ACTN1: variants seen among roughly 807,000 people sequenced by gnomAD.
The protein encoded by ACTN1 is actinin alpha 1.
ACTN1 carries 30 observed loss-of-function variants against 119.6 expected under a neutral mutation model. The ratio of observed to expected loss-of-function variants is 0.25; its 90% CI spans 0.19 to 0.34. The LOEUF (loss-of-function observed/expected upper bound fraction) is 0.34. Among genes scored for constraint, ACTN1 ranks in the 10% least tolerant of loss-of-function variants. ACTN1 has a pLI of 1.00. For missense variants in ACTN1, 764 were observed against 1,223.4 expected (o/e 0.62, Z 5.60); for synonymous variants, 429 against 472.6 (o/e 0.91, Z 1.20).
chr14:68,939,381 C>T (rs751350644), intron 1 of ACTN1, among the ~76,000 whole-genome samples: 4 of 152,170 alleles, frequency 2.6e-5, no homozygotes, highest in South Asian at 2.1e-4. Context: ...CTGGGCCTCC[C>T]GGAGCCTTGG....
intron 1 of ACTN1, among the ~76,000 whole-genome samples, chr14:68,942,607 A>T (rs966120819): frequency 2.6e-5 from 4 of 151,420 alleles, no homozygotes; most frequent in Non-Finnish European, 4.4e-5. Context: ...ATCTCTTTAC[A>T]CCTAATAGAC....
At chr14:68,976,863 A>T (rs1320392441) in intron 1 of ACTN1, among the ~76,000 whole-genome samples, 5 of 152,230 alleles carry the variant, frequency 3.3e-5, no homozygotes, top group Non-Finnish European at 2.9e-5. Flanking sequence ...AGGATAACCC[A>T]GTTTCCCAGA....
At chr14:68,956,434 T>C (rs1284549721) in intron 1 of ACTN1, among the ~76,000 whole-genome samples, 3 of 152,222 alleles carry the variant, frequency 2.0e-5, no homozygotes, top group Non-Finnish European at 4.4e-5. Flanking sequence ...TATCTAGCTT[T>C]ATCTAAAAAT....
intron 8 of ACTN1, among the ~76,000 whole-genome samples, chr14:68,899,650 A>G (rs1218392898): frequency 6.6e-6 from 1 of 151,808 alleles, no homozygotes; most frequent in Non-Finnish European, 1.5e-5. Flanking sequence ...TACCCACTAC[A>G]CCCACACGCA....
intron 2 of ACTN1, among the ~76,000 whole-genome samples, chr14:68,922,085 T>C (rs1478705831): frequency 6.6e-6 from 1 of 151,982 alleles, no homozygotes; most frequent in African/African-American, 2.4e-5. Context: ...GCTTTCAGGG[T>C]CTCTAAGGGG....
chr14:68,893,122 G>A (rs534680733), intron 9 of ACTN1, among the ~76,000 whole-genome samples: 13 of 152,012 alleles, frequency 8.6e-5, no homozygotes, highest in East Asian at 5.8e-4. Context: ...GCAGCTCAAC[G>A]GGCTGAATTC....
intron 3 of ACTN1, among the ~76,000 whole-genome samples, chr14:68,913,874 C>T (rs559188417): frequency 2.0e-5 from 3 of 152,318 alleles, no homozygotes; most frequent in South Asian, 4.1e-4. Context: ...CCAAGCAACA[C>T]AGCCAGCCAG....
At chr14:68,891,153 C>A (rs1404539358) in intron 10 of ACTN1, among the ~76,000 whole-genome samples, 1 of 151,824 alleles carries the variant, frequency 6.6e-6, no homozygotes, top group East Asian at 1.9e-4. Context: ...CTGCCTTTCA[C>A]CCTCCCCTTC....
intron 6 of ACTN1, among the ~76,000 whole-genome samples, chr14:68,908,188 G>A (rs2033784710): frequency 6.6e-6 from 1 of 150,502 alleles, no homozygotes; most frequent in Non-Finnish European, 1.5e-5. Flanking sequence ...TGTGTATGGG[G>A]TGGGGGTGGG....
At chr14:68,974,982 C>T (rs564416538) in intron 1 of ACTN1, among the ~76,000 whole-genome samples, 1 of 152,246 alleles carries the variant, frequency 6.6e-6, no homozygotes. Flanking sequence ...GGCCCCCAGC[C>T]AGGTGCCCAG....
At chr14:68,956,203 C>T (rs959592539) in intron 1 of ACTN1, among the ~76,000 whole-genome samples, 11 of 152,144 alleles carry the variant, frequency 7.2e-5, no homozygotes, top group Admixed American at 7.2e-4. Flanking sequence ...CAGTGGGTTA[C>T]TTCTGTATTC....
chr14:68,932,414 G>T (rs1052572699), intron 1 of ACTN1, among the ~76,000 whole-genome samples: 1 of 150,332 alleles, frequency 6.7e-6, no homozygotes, highest in Non-Finnish European at 1.5e-5. Flanking sequence ...AGCTCGCCTT[G>T]TGAGTGTGTG....
chr14:68,954,280 A>AC (rs1173908705), intron 1 of ACTN1, among the ~76,000 whole-genome samples: 1 of 152,162 alleles, frequency 6.6e-6, no homozygotes, highest in Admixed American at 6.5e-5. Flanking sequence ...ATATGGAAGC[A>AC]CTTTTTTCCC....
intron 1 of ACTN1, among the ~76,000 whole-genome samples, chr14:68,934,782 T>C (rs1217961575): frequency 1.3e-5 from 2 of 152,200 alleles, no homozygotes; most frequent in Admixed American, 6.5e-5. Context: ...GCCAAAATGA[T>C]GGGTTCTGAA....
chr14:68,963,835 G>C (rs1259697444), intron 1 of ACTN1, among the ~76,000 whole-genome samples: 3 of 152,194 alleles, frequency 2.0e-5, no homozygotes, highest in Non-Finnish European at 4.4e-5. Flanking sequence ...AGGCAATTCT[G>C]TTGCTAATTG....
rs1258108178 is a variant in ACTN1, at chr14:68,879,045, C to T, written c.2305G>A (p.Glu769Lys). ...CTGATGAGGCAGGCTTTGAACTCCT[C>T]GGGACCCAGTGTGCCGGAGTGATCC... The part of the protein sequence containing the change: ...DRDHSGTLGP[E>K]EFKACLISLG... The change falls in exon 19 of 22, where the codon GAG becomes AAG. Residue 769 changes from glutamate to lysine, a missense_variant. By Grantham distance (56) the Glu-to-Lys change is moderately conservative (BLOSUM62 1). This residue lies in a region of ACTN1 where 544 missense variants were observed against 912.0 expected (regional missense o/e 0.60). Transcript: ENST00000394419. This position sits in a 1 kb window ranked among gnomAD's most constrained non-coding sequence, Gnocchi z 4.9. 2.5e-6 allele frequency: 4 copies of T among 1,612,604 alleles called. No individual in the cohort carries two copies. Among genetic ancestry groups the T allele is most frequent in the African/African-American group, 1.3e-5 (1 of 74,646 alleles).
At chr14:68,972,819 C>A (rs983862111) in intron 1 of ACTN1, among the ~76,000 whole-genome samples, 1 of 152,206 alleles carries the variant, frequency 6.6e-6, no homozygotes, top group Non-Finnish European at 1.5e-5. Context: ...CTCTCATCTG[C>A]AAAATGGGAT....
Position 68,909,486 on chromosome 14 carries a change from G to GA in ACTN1, c.516-91dup. On this transcript the variant is annotated intron_variant, in intron 5 of 21. Transcript: ENST00000394419. This position sits in a 1 kb window ranked among gnomAD's most constrained non-coding sequence, Gnocchi z 4.1. ...CAAAGCAGGGGCCTCCTAGACACCA[G>GA]AGAGATGAACACATAGAGCTTTCTG... 1 of 1,185,090 alleles carries GA rather than the reference G, an allele frequency of 8.4e-7. No homozygotes were observed. Among genetic ancestry groups the GA allele is most frequent in the Non-Finnish European group, 1.2e-6 (1 of 808,230 alleles). The allele number at this position is 1,185,090 out of a possible 1,614,324, so 73.4% of individuals were successfully genotyped here.
chr14:68,913,985 G>A (rs550268370), intron 3 of ACTN1, among the ~76,000 whole-genome samples: 1 of 152,284 alleles, frequency 6.6e-6, no homozygotes, highest in Admixed American at 6.5e-5. Context: ...CACTTTGGGA[G>A]GCCAAGACAG....
Sources: gnomAD v4.1 joint callset for allele counts (sites outside exome capture counted in the v4.1 genomes callset) on GRCh38, gnomAD v4.1.1 for gene constraint, gnomAD v4.1.1 regional missense constraint, Gnocchi (gnomAD v3.1) non-coding constraint, MANE v1.5 for transcripts, NCBI Gene and HGNC (gene_info 2026-07-23, HGNC 2026-07-21) for gene names.